THOC1: variants seen among roughly 807,000 people sequenced by gnomAD.
The protein encoded by THOC1 is THO complex subunit 1, also known as THO complex 1.
THOC1 carries 29 observed loss-of-function variants against 97.3 expected under a neutral mutation model. The observed-to-expected ratio is 0.30, with a 90% CI of 0.22 to 0.41. THOC1 has a LOEUF of 0.41. Among genes scored for constraint, THOC1 ranks in the 10% least tolerant of loss-of-function variants. The pLI is 1.00. For missense variants in THOC1, 529 were observed against 761.9 expected (o/e 0.69, Z 3.60); for synonymous variants, 255 against 257.0 (o/e 0.99, Z 0.07).
intron 17 of THOC1, among the ~76,000 whole-genome samples, chr18:221,672 G>A (rs1784832): frequency 0.97 from 143,945 of 148,564 alleles, 69,873 homozygotes; most frequent in East Asian, 1. Context: ...GCAGTGGTGC[G>A]ATCTCGACTC....
chr18:226,573 T>C (rs1441862729), intron 12 of THOC1, among the ~76,000 whole-genome samples: 1 of 152,162 alleles, frequency 6.6e-6, no homozygotes, highest in Non-Finnish European at 1.5e-5. Flanking sequence ...CGACAACTCC[T>C]GGCAAGCCCT....
intron 1 of THOC1, 103 bp from the exon 2 acceptor site, chr18:265,633 T>C: frequency 1.1e-6 from 1 of 902,294 alleles, no homozygotes; most frequent in Non-Finnish European, 1.6e-6. Flanking sequence ...TAAAAAATGC[T>C]TATACCTGGG....
Position 225,382 on chromosome 18 carries a change from A to G in THOC1, c.1041T>C (p.Asp347=), listed in dbSNP as rs778863449. The G allele has an allele frequency of 1.2e-6, 2 of 1,613,602 alleles. No homozygotes were observed. Among genetic ancestry groups the G allele is most frequent in the Non-Finnish European group, 1.7e-6 (2 of 1,179,730 alleles). The change falls in exon 13 of 21, where the codon GAT becomes GAC. Residue 347 remains aspartate, a synonymous_variant. Coordinates refer to ENST00000261600, the MANE Select transcript of THOC1 (RefSeq NM_005131.3). ...TATCTTCAATCCAAAGTGATTGCTC[A>G]TCAGTTAAAACATAGTTTGAACTAG... ...KFKSSNYVLT[D]EQSLWIEDTT...
chr18:235,175 T>C (rs1911635815), intron 11 of THOC1, among the ~76,000 whole-genome samples: 1 of 151,916 alleles, frequency 6.6e-6, no homozygotes, highest in African/African-American at 2.4e-5. Context: ...TTCGTAGTTG[T>C]TCATAATATC....
chr18:227,946 T>TAA (rs199524212), intron 11 of THOC1, among the ~76,000 whole-genome samples: 12 of 149,844 alleles, frequency 8.0e-5, no homozygotes, highest in East Asian at 2.0e-4. Context: ...CTCCAGGTCT[T>TAA]AAAAAAAAAA....
chr18:254,029 G>C lies in THOC1; in HGVS notation c.603+244C>G, dbSNP rs1912362765. On this transcript the variant is annotated intron_variant, in intron 8 of 20. Coordinates refer to ENST00000261600, the MANE Select transcript of THOC1 (RefSeq NM_005131.3). The surrounding 1 kb of genome is among the most constrained non-coding windows in gnomAD (Gnocchi z 4.1). Reference sequence around the variant, plus strand: ...GGGCTGAGGCGATTCTCCCACCTCAGCCTCTCGAGTAGCTGGGACCACAGG... The same window carrying C: ...GGGCTGAGGCGATTCTCCCACCTCACCCTCTCGAGTAGCTGGGACCACAGG... Among the ~76,000 whole-genome samples the C allele has an allele frequency of 6.6e-6, 1 of 151,262 alleles. No individual in the cohort carries two copies. Among genetic ancestry groups the C allele is most frequent in the South Asian group, 2.1e-4 (1 of 4,792 alleles).
chr18:215,453 C>T lies in THOC1; in HGVS notation c.1654G>A (p.Asp552Asn). The T allele has an allele frequency of 6.2e-7, 1 of 1,613,626 alleles. No homozygotes were observed. Among genetic ancestry groups the T allele is most frequent in the Non-Finnish European group, 8.5e-7 (1 of 1,179,652 alleles). Reference protein sequence around the residue: ...TGEDEDEEDNDALLKENESPD... With the variant: ...TGEDEDEEDNNALLKENESPD... ...CTTTCATTTTCCTTCAGTAGAGCAT[C>T]ATTATCTTCCTCATCTTCATCCTCA... The change falls in exon 20 of 21, where the codon GAT becomes AAT. Residue 552 changes from aspartate to asparagine, a missense_variant. Physicochemically the swap from Asp to Asn is conservative, Grantham distance 23. Coordinates refer to ENST00000261600, the MANE Select transcript of THOC1 (RefSeq NM_005131.3).
At chr18:230,883 ATGCCACAATGCCCAGC>A (rs1318547544) in intron 11 of THOC1, among the ~76,000 whole-genome samples, 2 of 152,166 alleles carry the variant, frequency 1.3e-5, no homozygotes, top group African/African-American at 2.4e-5. Flanking sequence ...CCACCGGCAT[ATGCCACAATGCCCAGC>A]TAATTTTTTT....
intron 17 of THOC1, among the ~76,000 whole-genome samples, chr18:219,736 G>A (rs1403954060): frequency 6.6e-6 from 1 of 152,092 alleles, no homozygotes; most frequent in Non-Finnish European, 1.5e-5. Flanking sequence ...AAAGAGGGCA[G>A]CCAGGGTATT....
chr18:222,392 T>C (rs997869715), intron 17 of THOC1, among the ~76,000 whole-genome samples: 1 of 152,240 alleles, frequency 6.6e-6, no homozygotes, highest in African/African-American at 2.4e-5. Flanking sequence ...TGATAATTTC[T>C]CATAGTTTTA....
chr18:230,541 T>C (rs1911449402), intron 11 of THOC1, among the ~76,000 whole-genome samples: 1 of 152,198 alleles, frequency 6.6e-6, no homozygotes, highest in South Asian at 2.1e-4. Flanking sequence ...TGCTTCACAT[T>C]ATACTTAAGG....
At chr18:266,542 T>G (rs1433897184) in intron 1 of THOC1, among the ~76,000 whole-genome samples, 1 of 150,362 alleles carries the variant, frequency 6.7e-6, no homozygotes. Flanking sequence ...TAGTATGATT[T>G]TTTTTTTTTT....
chr18:223,312 G>A (rs1013002477), intron 17 of THOC1, 128 bp downstream of exon 17: 3 of 643,584 alleles, frequency 4.7e-6, no homozygotes, highest in Non-Finnish European at 5.2e-6. Flanking sequence ...GTTACACGCT[G>A]CTGTGCCAAA....
At chr18:267,111 T>C (rs1476766063) in intron 1 of THOC1, among the ~76,000 whole-genome samples, 1 of 152,054 alleles carries the variant, frequency 6.6e-6, no homozygotes, top group African/African-American at 2.4e-5. Flanking sequence ...CTGGCATCCC[T>C]ATAACTACCA....
At chr18:224,568 G>A (rs1911209116) in intron 15 of THOC1, among the ~76,000 whole-genome samples, 2 of 126,256 alleles carry the variant, frequency 1.6e-5, no homozygotes, top group Non-Finnish European at 1.6e-5. Flanking sequence ...GACAGAGTGA[G>A]ACTCCCTCTC....
intron 17 of THOC1, among the ~76,000 whole-genome samples, chr18:221,815 A>C (rs933473501): frequency 6.6e-6 from 1 of 152,016 alleles, no homozygotes; most frequent in Non-Finnish European, 1.5e-5. Context: ...TCACCGTGTT[A>C]GCCACGATGG....
chr18:237,092 T>G (rs1911730412), intron 11 of THOC1, among the ~76,000 whole-genome samples: 1 of 151,862 alleles, frequency 6.6e-6, no homozygotes, highest in African/African-American at 2.4e-5. Flanking sequence ...CTACTGTATA[T>G]AAGTCTGATC....
chr18:266,630 C>T (rs1912778532), intron 1 of THOC1, among the ~76,000 whole-genome samples: 2 of 151,150 alleles, frequency 1.3e-5, no homozygotes, highest in South Asian at 2.1e-4. Flanking sequence ...CTCCGCTGTC[C>T]GGGTTCAAGC....
rs1912146261 is a variant in THOC1 at position 247,855 on chromosome 18, A to G, written c.780T>C (p.Phe260=). The G allele has an allele frequency of 1.2e-6, 2 of 1,605,294 alleles. No individual in the cohort carries two copies. Among genetic ancestry groups the G allele is most frequent in the African/African-American group, 2.7e-5 (2 of 74,610 alleles). ...QCYEKISWKT[F]LKYSEEVLAV... ...TCTGTCAATGGCAACTTACCTTGAG[A>G]AAAGTTTTCCATGAAATCTTCTCAT... Residue 260 remains phenylalanine (F), a synonymous_variant, in exon 10 of 21, where the codon TTT becomes TTC. Coordinates refer to ENST00000261600, the MANE Select transcript of THOC1 (RefSeq NM_005131.3).
Sources: allele counts gnomAD v4.1 joint callset (sites outside exome capture counted in the v4.1 genomes callset), GRCh38; gene constraint gnomAD v4.1.1; non-coding constraint Gnocchi (gnomAD v3.1); transcripts MANE v1.5; gene names NCBI Gene and HGNC (gene_info 2026-07-23, HGNC 2026-07-21).